Variants in CHST4 observed in about 807,000 individuals in gnomAD.
CHST4 encodes carbohydrate sulfotransferase 4.
For synonymous variants in CHST4, 171 were observed against 195.5 expected (o/e 0.87, Z 1.05); for missense variants, 466 against 506.0 (o/e 0.92, Z 0.76).
At chr16:71,533,818 C>T (rs988072570) in intron 1 of CHST4, among the ~76,000 whole-genome samples, 8 of 151,350 alleles carry the variant, frequency 5.3e-5, no homozygotes, top group East Asian at 2.0e-4. Context: ...CTGAGGCAGG[C>T]GGATCACAAG....
intron 1 of CHST4, among the ~76,000 whole-genome samples, chr16:71,532,521 G>T (rs995820245): frequency 1.3e-5 from 2 of 152,094 alleles, no homozygotes; most frequent in Non-Finnish European, 2.9e-5. Flanking sequence ...AAGATAAGGG[G>T]TTTTTCTGCT....
chr16:71,536,110 T>G (rs1281762385), intron 1 of CHST4, among the ~76,000 whole-genome samples: 8 of 152,140 alleles, frequency 5.3e-5, no homozygotes, highest in Admixed American at 2.6e-4. Context: ...GAGTGGAAAG[T>G]CCTGTGCTTA....
chr16:71,531,811 A>C (rs1002748787), intron 1 of CHST4, among the ~76,000 whole-genome samples: 4 of 152,144 alleles, frequency 2.6e-5, no homozygotes, highest in African/African-American at 9.7e-5. Flanking sequence ...ATACAGGATA[A>C]GTTCTTCTCA....
intron 1 of CHST4, among the ~76,000 whole-genome samples, chr16:71,527,973 T>C (rs374265981): frequency 1.3e-5 from 2 of 152,166 alleles, no homozygotes; most frequent in South Asian, 4.2e-4. Context: ...TGAAACAGTC[T>C]CTCAGGTTAA....
chr16:71,538,194 T>C lies in CHST4; in HGVS notation c.*356T>C, dbSNP rs2044008249. On this transcript the variant is annotated 3_prime_UTR_variant, in exon 2 of 2. Coordinates refer to ENST00000539698, the MANE Select transcript of CHST4 (RefSeq NM_001166395.2). Reference sequence around the variant, plus strand: ...ATCCATAAACCTCCCTGTCCACATCTTGCCCAATGGGGAATGGATCTTTCA... The same window carrying C: ...ATCCATAAACCTCCCTGTCCACATCCTGCCCAATGGGGAATGGATCTTTCA... 8.8e-6 allele frequency: 2 copies of C among 227,522 alleles called. No homozygotes were observed. The highest frequency in any genetic ancestry group is 1.3e-4 in the South Asian group (1 of 7,810). 14.1% of individuals were successfully genotyped at this position (227,522 alleles called of 1,614,324 possible).
At position 71,529,543 on chromosome 16, in the gene CHST4, A is replaced by ATTTTTTTTTTTTT. The variant is rs1157747412; in HGVS notation, c.-19+3067_-19+3079dup. The stretch of plus-strand genomic sequence containing the variant: ...ACTGTGCCTCTTCCCATGCTCATCT[A>ATTTTTTTTTTTTT]TTTTTTTTTTTTTTTTTTTTTTTTT... On this transcript the variant is annotated intron_variant, in intron 1 of 1. Transcript: ENST00000539698. Among the ~76,000 whole-genome samples, 6 of 41,328 alleles carry ATTTTTTTTTTTTT rather than the reference A, an allele frequency of 1.5e-4. 1 individual carries two copies. Among genetic ancestry groups the ATTTTTTTTTTTTT allele is most frequent in the African/African-American group, 2.9e-4 (3 of 10,340 alleles). The allele number at this position is 41,328 out of a possible 152,430, so 27.1% of individuals were successfully genotyped here. A position where few individuals can be genotyped will look rare whatever the true frequency, so the allele number is the denominator to read the frequency against.
At chr16:71,534,161 C>T (rs1200579669) in intron 1 of CHST4, among the ~76,000 whole-genome samples, 3 of 151,810 alleles carry the variant, frequency 2.0e-5, no homozygotes, top group Non-Finnish European at 4.4e-5. Flanking sequence ...TCTGAGAAAA[C>T]GCTTGTTTTA....
At chr16:71,530,597 C>T (rs2145202816) in intron 1 of CHST4, among the ~76,000 whole-genome samples, 3 of 151,126 alleles carry the variant, frequency 2.0e-5, no homozygotes, top group Admixed American at 2.0e-4. Flanking sequence ...GAGGGCCAGT[C>T]TCTAGTAAAA....
intron 1 of CHST4, among the ~76,000 whole-genome samples, chr16:71,532,196 C>T (rs181001772): frequency 1.6e-4 from 24 of 152,078 alleles, no homozygotes; most frequent in East Asian, 9.7e-4. Flanking sequence ...TATAGGTGCC[C>T]GCCACCACGC....
intron 1 of CHST4, among the ~76,000 whole-genome samples, chr16:71,529,284 A>C (rs988952085): frequency 1.3e-5 from 2 of 151,908 alleles, no homozygotes; most frequent in African/African-American, 2.4e-5. Context: ...TGGTATAGTA[A>C]CTGTTTTTTG....
intron 1 of CHST4, among the ~76,000 whole-genome samples, chr16:71,527,783 G>A (rs548719499): frequency 7.2e-5 from 11 of 152,096 alleles, no homozygotes; most frequent in South Asian, 6.2e-4. Flanking sequence ...CGGGTCTGTC[G>A]CCCAGGCTGG....
rs771662092 is a variant in CHST4 at position 71,537,842 on chromosome 16, G to T, written c.*4G>T. On this transcript the variant is annotated 3_prime_UTR_variant, in exon 2 of 2. Transcript: ENST00000539698. The surrounding 1 kb of genome is among the most constrained non-coding windows in gnomAD (Gnocchi z 4.2). ...TGTCCCTGAGCAAATCCACTAAGAG[G>T]GTTGAGAAGGCTTTGCTGCCACCTG... 6.3e-6 allele frequency: 10 copies of T among 1,598,880 alleles called. 1 individual carries two copies. In the African/African-American group the frequency reaches 9.4e-5, roughly 15 times the overall value.
rs761329268 is a variant in CHST4, at chr16:71,537,708, C to G, written c.1031C>G (p.Ser344Cys). The change falls in exon 2 of 2, where the codon TCT becomes TGT. Residue 344 changes from serine to cysteine, a missense_variant. Ser to Cys is a moderately radical substitution (Grantham distance 112, BLOSUM62 -1). Transcript: ENST00000539698. The surrounding 1 kb of genome is among the most constrained non-coding windows in gnomAD (Gnocchi z 4.2). ...WRWSLPYEKV[S>C]RLQKACGDAM... ...TGGTCTTTGCCCTATGAAAAGGTTT[C>G]TCGACTTCAGAAAGCCTGTGGCGAT... 1 of 1,614,232 alleles carries G rather than the reference C, an allele frequency of 6.2e-7. No homozygotes were observed. Among genetic ancestry groups the G allele is most frequent in the South Asian group, 1.1e-5 (1 of 91,084 alleles).
intron 1 of CHST4, among the ~76,000 whole-genome samples, chr16:71,533,871 A>T (rs2004672): frequency 1.6e-3 from 244 of 151,582 alleles, no homozygotes; most frequent in Non-Finnish European, 2.9e-3. Flanking sequence ...GTGAAGCCCC[A>T]TCTCTACTAA....
chr16:71,537,061 C>A lies in CHST4; in HGVS notation c.384C>A (p.Asn128Lys). The A allele has an allele frequency of 6.2e-7, 1 of 1,614,180 alleles. No homozygotes were observed. Among genetic ancestry groups the A allele is most frequent in the Non-Finnish European group, 8.5e-7 (1 of 1,180,038 alleles). Residue 128 changes from asparagine (N) to lysine (K), a missense_variant, in exon 2 of 2, where the codon AAC becomes AAA. Coordinates refer to ENST00000539698, the MANE Select transcript of CHST4 (RefSeq NM_001166395.2). The surrounding 1 kb of genome is among the most constrained non-coding windows in gnomAD (Gnocchi z 4.2). ...RRQSSLFQWE[N>K]SRALCSAPAC... ...AGTCCAGCCTCTTTCAGTGGGAGAA[C>A]AGCCGGGCCCTGTGTTCTGCACCTG...
chr16:71,532,048 GTTTT>G (rs71153643), intron 1 of CHST4, among the ~76,000 whole-genome samples: 1 of 131,188 alleles, frequency 7.6e-6, no homozygotes. Flanking sequence ...TGGTCCTGTT[GTTTT>G]TTTTTTTTTT....
rs528007964 is a variant in CHST4 at position 71,528,760 on chromosome 16, C to G, written c.-19+2265C>G. On this transcript the variant is annotated intron_variant, in intron 1 of 1. Coordinates refer to ENST00000539698, the MANE Select transcript of CHST4 (RefSeq NM_001166395.2). ...CCAGACTTCTTAAATTAGTATCTAT[C>G]TGGTTTTTTTCCCCCTCAGAATTTC... Among the ~76,000 whole-genome samples, 6 of 151,106 alleles carry G rather than the reference C, an allele frequency of 4.0e-5. No individual in the cohort carries two copies. The South Asian group carries it at 6.2e-4, about 16-fold the overall frequency.
chr16:71,529,302 G>A (rs944774536), intron 1 of CHST4, among the ~76,000 whole-genome samples: 3 of 151,596 alleles, frequency 2.0e-5, no homozygotes, highest in African/African-American at 4.8e-5. Flanking sequence ...TTGGACCAAG[G>A]GTTACTGTGC....
At chr16:71,531,480 C>T (rs562244342) in intron 1 of CHST4, among the ~76,000 whole-genome samples, 32 of 152,148 alleles carry the variant, frequency 2.1e-4, no homozygotes, top group Admixed American at 1.0e-3. Flanking sequence ...CAAGTGCTCA[C>T]AGAAAGAAAA....
Sources: gnomAD v4.1 joint callset for allele counts (sites outside exome capture counted in the v4.1 genomes callset) on GRCh38, gnomAD v4.1.1 for gene constraint, Gnocchi (gnomAD v3.1) non-coding constraint, MANE v1.5 for transcripts, NCBI Gene and HGNC (gene_info 2026-07-23, HGNC 2026-07-21) for gene names.